The following ERN1 variants were observed in gnomAD, a reference collection of about 807,000 sequenced individuals.
ERN1 encodes the protein serine/threonine-protein kinase/endoribonuclease IRE1.
Under a neutral mutation model 113.1 loss-of-function variants are expected in ERN1, and 39 were observed. The observed-to-expected ratio is 0.34, with a 90% CI of 0.27 to 0.45. The LOEUF is 0.45. ERN1 is among the 20% of genes least tolerant of loss of function. The probability of loss-of-function intolerance (pLI) is 1.00; values close to 1 mark genes in which losing one functional copy is unlikely to be tolerated. For missense variants in ERN1, 976 were observed against 1,274.8 expected, an observed-to-expected ratio of 0.77 and a Z score of 3.57; for synonymous variants, 507 against 515.9, an observed-to-expected ratio of 0.98 and a Z score of 0.23.
chr17:64,113,778 G>C (rs188489998), intron 1 of ERN1, among the ~76,000 whole-genome samples: 1 of 152,176 alleles, frequency 6.6e-6, no homozygotes, highest in Non-Finnish European at 1.5e-5. Context: ...TCACCTCCTG[G>C]GTTCAAGCAA....
At chr17:64,128,660 C>T (rs1245487240) in intron 1 of ERN1, 4 of 152,046 alleles carry the variant, frequency 2.6e-5, no homozygotes, top group South Asian at 2.1e-4. Flanking sequence ...GCAGTAGTTA[C>T]CAATCCAAGG....
rs1356626619 is a variant in ERN1, at chr17:64,053,281, G to C, written c.2044C>G (p.Leu682Val). 6.2e-7 allele frequency: 1 copy of C among 1,607,432 alleles called. No homozygotes were observed. The highest frequency in any genetic ancestry group is 1.1e-5 in the South Asian group (1 of 90,616). ...TTSGLAHLHS[L>V]NIVHRDLKPH... ...AAGTGCAGCCTCTCACCGATGTTGA[G>C]GGAGTGGAGGTGGGCCAGGCCCGAG... The change falls in exon 16 of 22, where the codon CTC becomes GTC. Residue 682 changes from leucine (L) to valine (V), a missense_variant. Physicochemically the swap from Leu to Val is conservative, Grantham distance 32. This residue lies in a region of ERN1 where 297 missense variants were observed against 457.8 expected (regional missense o/e 0.65). Transcript: ENST00000433197.
intron 2 of ERN1, among the ~76,000 whole-genome samples, chr17:64,095,705 G>A (rs1239854974): frequency 6.6e-6 from 1 of 152,136 alleles, no homozygotes; most frequent in African/African-American, 2.4e-5. Flanking sequence ...TTCCTGTTCA[G>A]TCAGATACAA....
At position 64,114,942 on chromosome 17, in the gene ERN1, C is replaced by T. The variant is rs76278728; in HGVS notation, c.54+15034G>A. ...GTGGCCTTCAGAACAAACCCCAAGG[C>T]AGGTTTTCTTGCTTCCTAAGACTCC... is the stretch of plus-strand genomic sequence containing the variant. On this transcript the variant is annotated intron_variant, in intron 1 of 21. Coordinates refer to ENST00000433197, the MANE Select transcript of ERN1 (RefSeq NM_001433.5). 6.7e-3 allele frequency among the ~76,000 whole-genome samples: 1,016 copies of T among 152,212 alleles called. 10 individuals carry two copies. The highest frequency in any genetic ancestry group is 0.011 in the Non-Finnish European group (767 of 68,002).
chr17:64,043,969 ACAGAGGGGCCGCCCTCGCT>A lies in ERN1; in HGVS notation c.2934_*18del, dbSNP rs1598040956. 1 of 1,563,872 alleles carries A rather than the reference ACAGAGGGGCCGCCCTCGCT, an allele frequency of 6.4e-7. No individual in the cohort carries two copies. The highest frequency in any genetic ancestry group is 2.2e-5 in the East Asian group (1 of 44,590). ...CTCAGTCACAGCTGGGGCCACCAGA[ACAGAGGGGCCGCCCTCGCT>A]CAGAGGGCGTCTGGAGTCACTGGGG... On this transcript the variant is annotated stop_lost and 3_prime_UTR_variant, in exon 22 of 22. Coordinates refer to ENST00000433197, the MANE Select transcript of ERN1 (RefSeq NM_001433.5).
chr17:64,110,999 A>T (rs573915847), intron 1 of ERN1, among the ~76,000 whole-genome samples: 37 of 152,204 alleles, frequency 2.4e-4, no homozygotes, highest in Non-Finnish European at 5.0e-4. Context: ...CAGAAGCAGG[A>T]AAGAATTACC....
chr17:64,059,000 C>G (rs1488168303), intron 11 of ERN1, among the ~76,000 whole-genome samples: 1 of 152,132 alleles, frequency 6.6e-6, no homozygotes, highest in Admixed American at 6.5e-5. Context: ...TTAAAACATA[C>G]TTTTTCAAAG....
At chr17:64,089,055 C>T (rs1914013239) in intron 2 of ERN1, among the ~76,000 whole-genome samples, 2 of 152,244 alleles carry the variant, frequency 1.3e-5, no homozygotes, top group South Asian at 2.1e-4. Flanking sequence ...CGCAGTGGCT[C>T]ACGCCTGTAA....
At chr17:64,090,229 C>T (rs9906962) in intron 2 of ERN1, among the ~76,000 whole-genome samples, 78,347 of 152,060 alleles carry the variant, frequency 0.52, 24,224 homozygotes, top group African/African-American at 0.87. Context: ...CTCAGCAGAA[C>T]TGGAAAAGGA....
chr17:64,079,529 C>T (rs1233916598), intron 4 of ERN1, 133 bp downstream of exon 4: 20 of 645,178 alleles, frequency 3.1e-5, no homozygotes, highest in Non-Finnish European at 5.2e-5. Flanking sequence ...CTCTCTAGAC[C>T]ACCTGAATCA....
chr17:64,066,687 C>T lies in ERN1; in HGVS notation c.826G>A (p.Ala276Thr), dbSNP rs1343778478. The T allele has an allele frequency of 6.2e-7, 1 of 1,613,940 alleles. No individual in the cohort carries two copies. The highest frequency in any genetic ancestry group is 8.5e-7 in the Non-Finnish European group (1 of 1,179,864). The change falls in exon 8 of 22, where the codon GCC (alanine) becomes ACC (threonine). Residue 276 changes from alanine (A) to threonine (T), a missense_variant. Physicochemically the swap from Ala to Thr is moderately conservative, Grantham distance 58. Transcript: ENST00000433197. Reference sequence around the variant, plus strand: ...CCAACTCACGTCAGCTTGCTCTTGGCCTCTGTCTCCTTGGGGAACGGGTAC... The same window carrying T: ...CCAACTCACGTCAGCTTGCTCTTGGTCTCTGTCTCCTTGGGGAACGGGTAC... Reference protein sequence around the residue: ...WKYPFPKETEAKSKLTPTLYV... With the variant: ...WKYPFPKETETKSKLTPTLYV...
At position 64,068,264 on chromosome 17, in the gene ERN1, T is replaced by G; in HGVS notation, c.506A>C (p.Lys169Thr). The G allele has an allele frequency of 6.2e-7, 1 of 1,612,854 alleles. No individual in the cohort carries two copies. The highest frequency in any genetic ancestry group is 8.5e-7 in the Non-Finnish European group (1 of 1,179,422). Reference sequence around the variant, plus strand: ...GGCATTCCACCGGAGCTCTCGGGTTTTGGTGTCGTACATGGTGATGGTGTA... The same window carrying G: ...GGCATTCCACCGGAGCTCTCGGGTTGTGGTGTCGTACATGGTGATGGTGTA... ...TEYTITMYDTKTRELRWNATY... is the reference protein window; with the variant it reads ...TEYTITMYDTTTRELRWNATY... The change falls in exon 7 of 22, where the codon AAA (lysine) becomes ACA (threonine). Residue 169 changes from lysine to threonine, a missense_variant. Lys to Thr is a moderately conservative substitution (Grantham distance 78). Around this residue, in one of 5 missense-constraint regions of ERN1, gnomAD observed 459 missense variants for 581.2 expected, o/e 0.79. Transcript: ENST00000433197.
At position 64,055,229 on chromosome 17, in the gene ERN1, C is replaced by T. The variant is rs570953314; in HGVS notation, c.1673-401G>A. The stretch of plus-strand genomic sequence containing the variant: ...AGGTGGCGGCAATGGACATGTAAAA[C>T]GAGGAGACTCCTTGGGACAGAGGGC... On this transcript the variant is annotated intron_variant, in intron 13 of 21. Coordinates refer to ENST00000433197, the MANE Select transcript of ERN1 (RefSeq NM_001433.5). 1.1e-4 allele frequency among the ~76,000 whole-genome samples: 16 copies of T among 152,350 alleles called. No individual in the cohort carries two copies. The East Asian group carries it at 2.5e-3, about 24-fold the overall frequency.
chr17:64,056,415 C>T (rs1311223304), intron 12 of ERN1, among the ~76,000 whole-genome samples: 2 of 152,168 alleles, frequency 1.3e-5, no homozygotes, highest in Non-Finnish European at 2.9e-5. Flanking sequence ...ACTCAGTAAT[C>T]CAGAGGGGCA....
At chr17:64,115,628 T>C (rs1333533006) in intron 1 of ERN1, among the ~76,000 whole-genome samples, 2 of 152,222 alleles carry the variant, frequency 1.3e-5, no homozygotes, top group Non-Finnish European at 1.5e-5. Flanking sequence ...CAAAACCTGT[T>C]ATTTTATCCT....
chr17:64,103,218 G>A (rs1442204846), intron 1 of ERN1, among the ~76,000 whole-genome samples: 2 of 152,102 alleles, frequency 1.3e-5, no homozygotes, highest in African/African-American at 2.4e-5. Context: ...TGTTACGGCT[G>A]GACGTGGTGA....
chr17:64,049,296 A>G lies in ERN1; in HGVS notation c.2254-94T>C. The stretch of plus-strand genomic sequence containing the variant: ...GAGGAGCATTGCTGCTGCTTCTGCC[A>G]CCTAGAAGGTGTCCTGGGAGAATCA... On this transcript the variant is annotated intron_variant, in intron 17 of 21. Transcript: ENST00000433197. The surrounding 1 kb of genome is among the most constrained non-coding windows in gnomAD (Gnocchi z 4.7). 7.7e-7 allele frequency: 1 copy of G among 1,303,298 alleles called. No individual in the cohort carries two copies. The highest frequency in any genetic ancestry group is 1.0e-6 in the Non-Finnish European group (1 of 964,100). 80.7% of individuals were successfully genotyped at this position (1,303,298 alleles called of 1,614,324 possible). A position where few individuals can be genotyped will look rare whatever the true frequency, so the allele number is the denominator to read the frequency against.
chr17:64,119,813 T>A (rs1410797927), intron 1 of ERN1, among the ~76,000 whole-genome samples: 1 of 152,164 alleles, frequency 6.6e-6, no homozygotes, highest in African/African-American at 2.4e-5. Context: ...CTCTGTGACG[T>A]GACTGGGAAT....
Position 64,054,835 on chromosome 17 carries a change from C to CA in ERN1, c.1673-8dup. The stretch of plus-strand genomic sequence containing the variant: ...ACCACGCTGGTTTCCTCATCTGGGA[C>CA]AAAATAGGAAAAAGAGATTGTTTCA... On this transcript the variant is annotated splice_polypyrimidine_tract_variant and splice_region_variant and intron_variant, in intron 13 of 21. Coordinates refer to ENST00000433197, the MANE Select transcript of ERN1 (RefSeq NM_001433.5). This position sits in a 1 kb window ranked among gnomAD's most constrained non-coding sequence, Gnocchi z 4.9. 3 of 1,593,796 alleles carry CA rather than the reference C, an allele frequency of 1.9e-6. No homozygotes were observed. Among genetic ancestry groups the CA allele is most frequent in the Non-Finnish European group, 2.6e-6 (3 of 1,167,386 alleles).
Sources: allele counts gnomAD v4.1 joint callset (sites outside exome capture counted in the v4.1 genomes callset), GRCh38; gene constraint gnomAD v4.1.1; regional missense constraint gnomAD v4.1.1; non-coding constraint Gnocchi (gnomAD v3.1); transcripts MANE v1.5; gene names NCBI Gene and HGNC (gene_info 2026-07-23, HGNC 2026-07-21).